PALM2AKAP2: variants seen among roughly 807,000 people sequenced by gnomAD.
The protein encoded by PALM2AKAP2 is PALM2-AKAP2 fusion protein.
Under a neutral mutation model 71.5 loss-of-function variants are expected in PALM2AKAP2, and 37 were observed. The observed-to-expected ratio is 0.52, with a 90% CI of 0.40 to 0.68. The LOEUF (loss-of-function observed/expected upper bound fraction) is 0.68, where lower values mean the gene tolerates loss of function less well. Among genes scored for constraint, PALM2AKAP2 ranks in the 30% least tolerant of loss-of-function variants. PALM2AKAP2 has a pLI of 0.00. For missense variants in PALM2AKAP2, 1,224 were observed against 1,191.8 expected, an observed-to-expected ratio of 1.03 and a Z score of -0.40; for synonymous variants, 468 against 478.8, an observed-to-expected ratio of 0.98 and a Z score of 0.29.
intron 1 of PALM2AKAP2, among the ~76,000 whole-genome samples, chr9:109,759,243 T>G (rs773788280): frequency 5.1e-4 from 77 of 152,100 alleles, no homozygotes; most frequent in Admixed American, 1.8e-3. Context: ...AGAACCCAGA[T>G]TTTTGGAACC....
intron 1 of PALM2AKAP2, among the ~76,000 whole-genome samples, chr9:109,701,398 A>G (rs1828053309): frequency 1.3e-5 from 2 of 152,244 alleles, no homozygotes; most frequent in African/African-American, 4.8e-5. Context: ...AAACAGAGAT[A>G]TAGACCAATG....
At chr9:109,969,401 C>G (rs908667153) in intron 6 of PALM2AKAP2, among the ~76,000 whole-genome samples, 1 of 152,212 alleles carries the variant, frequency 6.6e-6, no homozygotes, top group African/African-American at 2.4e-5. Flanking sequence ...GAATATCACC[C>G]ACAAAGGGTA....
rs141154734 is a variant in PALM2AKAP2, at chr9:110,085,550, C to G, written c.156+36695C>G. Among the ~76,000 whole-genome samples the G allele has an allele frequency of 5.5e-3, 844 of 152,192 alleles. 7 individuals are homozygous for G. Among genetic ancestry groups the G allele is most frequent in the Non-Finnish European group, 0.01 (695 of 68,012 alleles). ...GAGTTAGCAATATGTAAGTAGAAAACTAAGTAATTGAGGAATATAGTTAAC... is the reference window on the plus strand; with the variant it reads ...GAGTTAGCAATATGTAAGTAGAAAAGTAAGTAATTGAGGAATATAGTTAAC... On this transcript the variant is annotated intron_variant, in intron 1 of 3. Transcript: ENST00000374525.
intron 1 of PALM2AKAP2, among the ~76,000 whole-genome samples, chr9:110,051,372 AT>A (rs1376671835): frequency 6.6e-6 from 1 of 152,168 alleles, no homozygotes; most frequent in Non-Finnish European, 1.5e-5. Context: ...AAGTTTGAAT[AT>A]TTTCTTATAG....
chr9:109,944,328 A>G (rs771891395), intron 6 of PALM2AKAP2: 5 of 152,128 alleles, frequency 3.3e-5, no homozygotes, highest in Admixed American at 6.5e-5. Context: ...TCTATTTTCA[A>G]TGAGGAGATC....
intron 1 of PALM2AKAP2, among the ~76,000 whole-genome samples, chr9:109,769,667 G>T (rs1829225403): frequency 6.6e-6 from 1 of 152,198 alleles, no homozygotes; most frequent in Admixed American, 6.5e-5. Flanking sequence ...GAGGATATTT[G>T]TGAAGGTGCC....
rs755205853 is a variant in PALM2AKAP2 at position 110,137,217 on chromosome 9, G to A, written c.1247G>A (p.Arg416His). 9.9e-6 allele frequency: 16 copies of A among 1,614,056 alleles called. No homozygotes were observed. The highest frequency in any genetic ancestry group is 3.3e-5 in the Admixed American group (2 of 60,014). ...GAGCAGATAGATTTCTCTGCTGCTC[G>A]CAAACAATTTCAGCTGATGGAGAAT... Residue 416 changes from arginine (R) to histidine (H), a missense_variant, in exon 2 of 4, where the codon CGC (arginine) becomes CAC (histidine). Transcript: ENST00000374525.
intron 1 of PALM2AKAP2, among the ~76,000 whole-genome samples, chr9:109,857,262 T>A (rs546012880): frequency 1.3e-5 from 2 of 152,362 alleles, no homozygotes; most frequent in Non-Finnish European, 2.9e-5. Flanking sequence ...TGCTGCCTCA[T>A]CTGCAGTAGT....
intron 1 of PALM2AKAP2, among the ~76,000 whole-genome samples, chr9:110,134,090 C>G (rs1217338055): frequency 6.6e-6 from 1 of 152,080 alleles, no homozygotes; most frequent in Non-Finnish European, 1.5e-5. Context: ...TTGAGACCAG[C>G]CTGGGCAACA....
At chr9:109,957,142 C>T (rs1003536255) in intron 6 of PALM2AKAP2, among the ~76,000 whole-genome samples, 1 of 152,172 alleles carries the variant, frequency 6.6e-6, no homozygotes, top group Non-Finnish European at 1.5e-5. Flanking sequence ...ATCGTTTAAA[C>T]AAACAAAAGT....
At chr9:109,968,211 T>A (rs1435058248) in intron 6 of PALM2AKAP2, among the ~76,000 whole-genome samples, 1 of 152,176 alleles carries the variant, frequency 6.6e-6, no homozygotes, top group South Asian at 2.1e-4. Flanking sequence ...CTGCATTTGC[T>A]CAGAGGCCAC....
intron 1 of PALM2AKAP2, among the ~76,000 whole-genome samples, chr9:109,667,919 A>T (rs1476931869): frequency 8.2e-6 from 1 of 122,072 alleles, no homozygotes. Context: ...TTTGAAAATG[A>T]TGGCTTTGGT....
In PALM2AKAP2 at chr9:109,843,967, A is replaced by G. The variant is rs548376103; in HGVS notation, c.46-23524A>G. ...TCTGCAGTTCCTGACCTCCGCAACC[A>G]CACCCGATTCTTTGGTTGGTCCTAG... On this transcript the variant is annotated intron_variant, in intron 1 of 9. Transcript: ENST00000302798. Among the ~76,000 whole-genome samples the G allele has an allele frequency of 2.0e-4, 30 of 152,302 alleles. 1 individual carries two copies. The South Asian group carries it at 6.0e-3, about 31-fold the overall frequency.
At chr9:109,856,822 G>T (rs1829180903) in intron 1 of PALM2AKAP2, among the ~76,000 whole-genome samples, 1 of 152,230 alleles carries the variant, frequency 6.6e-6, no homozygotes, top group East Asian at 1.9e-4. Context: ...CAGAAAAGGA[G>T]TGTATGTCTC....
intron 2 of PALM2AKAP2, among the ~76,000 whole-genome samples, chr9:109,873,939 G>A (rs923481839): frequency 6.6e-6 from 1 of 152,042 alleles, no homozygotes; most frequent in Admixed American, 6.6e-5. Context: ...CTAGGAATTC[G>A]AGACCAGCCT....
intron 2 of PALM2AKAP2, among the ~76,000 whole-genome samples, chr9:109,873,599 GA>G (rs1267401592): frequency 6.6e-6 from 1 of 152,174 alleles, no homozygotes; most frequent in Non-Finnish European, 1.5e-5. Flanking sequence ...GTAAAATCAT[GA>G]AAGTACACAA....
intron 1 of PALM2AKAP2, among the ~76,000 whole-genome samples, chr9:110,103,733 T>G (rs1222840746): frequency 6.6e-6 from 1 of 152,236 alleles, no homozygotes; most frequent in Admixed American, 6.5e-5. Context: ...TGAATCCATG[T>G]GGCACACATA....
At chr9:109,802,158 C>T (rs2131403230) in intron 1 of PALM2AKAP2, among the ~76,000 whole-genome samples, 1 of 152,262 alleles carries the variant, frequency 6.6e-6, no homozygotes, top group East Asian at 1.9e-4. Context: ...AGCAATAATC[C>T]TAGTCTTAAT....
At chr9:109,793,000 GTGAAAATACTCTT>G (rs1002061719) in intron 1 of PALM2AKAP2, among the ~76,000 whole-genome samples, 32 of 152,154 alleles carry the variant, frequency 2.1e-4, no homozygotes, top group Non-Finnish European at 3.5e-4. Flanking sequence ...TCACCAAAGG[GTGAAAATACTCTT>G]TGAAAATACT....
Sources: allele counts gnomAD v4.1 joint callset (sites outside exome capture counted in the v4.1 genomes callset), GRCh38; gene constraint gnomAD v4.1.1; transcripts MANE v1.5; gene names NCBI Gene and HGNC (gene_info 2026-07-23, HGNC 2026-07-21).